The following EXO1 variants were observed in gnomAD, a reference collection of about 807,000 sequenced individuals.
EXO1 encodes the protein exonuclease 1.
A neutral mutation model predicts 84.5 loss-of-function variants in EXO1; 69 were observed. The observed-to-expected ratio is 0.82, with a 90% CI of 0.67 to 1.00. The LOEUF (loss-of-function observed/expected upper bound fraction) is 1.00, where lower values mean the gene tolerates loss of function less well. Among genes scored for constraint, EXO1 ranks in the 50% least tolerant of loss-of-function variants. The pLI is 0.00. For missense variants in EXO1, 1,045 were observed against 1,000.7 expected (o/e 1.04, Z -0.60); for synonymous variants, 373 against 366.1 (o/e 1.02, Z -0.21).
chr1:241,879,204 A>G lies in EXO1; in HGVS notation c.1970A>G (p.Glu657Gly). The G allele has an allele frequency of 6.2e-7, 1 of 1,602,804 alleles. No individual in the cohort carries two copies. Among genetic ancestry groups the G allele is most frequent in the Non-Finnish European group, 8.5e-7 (1 of 1,171,678 alleles). ...NMSDVSQLKSEESSDDESHPL... is the reference protein window; with the variant it reads ...NMSDVSQLKSGESSDDESHPL... The stretch of plus-strand genomic sequence containing the variant: ...TCTGATGTGTCGCAGTTAAAGAGCG[A>G]GGAGTCCAGTGACGATGAGTCTCAT... The change falls in exon 13 of 16, where the codon GAG becomes GGG. Residue 657 changes from glutamate (E) to glycine (G), a missense_variant. Coordinates refer to ENST00000366548, the MANE Select transcript of EXO1 (RefSeq NM_130398.4).
rs1660458767 is a variant in EXO1 at position 241,848,217 on chromosome 1, C to G, written c.-556C>G. ...AATTGAAAGGTCAGCCTTTCGCGCG[C>G]TGTGTAGGCAAGTTACCCGTGTTCT... On this transcript the variant is annotated 5_prime_UTR_variant, in exon 1 of 16. Transcript: ENST00000366548. The surrounding 1 kb of genome is among the most constrained non-coding windows in gnomAD (Gnocchi z 4.2). 1 of 152,300 alleles carries G rather than the reference C, an allele frequency of 6.6e-6. No homozygotes were observed. The highest frequency in any genetic ancestry group is 1.5e-5 in the Non-Finnish European group (1 of 68,102). The allele number at this position is 152,300 out of a possible 1,614,324, so 9.4% of individuals were successfully genotyped here. A position where few individuals can be genotyped will look rare whatever the true frequency, so the allele number is the denominator to read the frequency against.
In EXO1 at chr1:241,889,821, T is replaced by C. The variant is rs569483591; in HGVS notation, c.*221T>C. ...CTAAATAGAAGAATAATTGTATCTC[T>C]GACAGGTTTTTGGAGGTTTTAGTGT... On this transcript the variant is annotated 3_prime_UTR_variant, in exon 16 of 16. Coordinates refer to ENST00000366548, the MANE Select transcript of EXO1 (RefSeq NM_130398.4). 2.8e-5 allele frequency: 15 copies of C among 537,518 alleles called. No homozygotes were observed. In the South Asian group the frequency reaches 3.2e-4, roughly 11 times the overall value. 33.3% of individuals were successfully genotyped at this position (537,518 alleles called of 1,614,324 possible).
At position 241,885,348 on chromosome 1, in the gene EXO1, C is replaced by G. The variant is rs1662997896; in HGVS notation, c.2246C>G (p.Ser749Cys). 2 of 1,613,964 alleles carry G rather than the reference C, an allele frequency of 1.2e-6. No individual in the cohort carries two copies. The highest frequency in any genetic ancestry group is 8.5e-7 in the Non-Finnish European group (1 of 1,179,942). The change falls in exon 15 of 16, where the codon TCT becomes TGT. Residue 749 changes from serine (S) to cysteine (C), a missense_variant. Coordinates refer to ENST00000366548, the MANE Select transcript of EXO1 (RefSeq NM_130398.4). ...PGLYKSSSAD[S>C]LSTTKIKPLG... ...CTATATAAGTCCAGTTCTGCAGACTCTCTTTCTACAACCAAGATCAAACCT... is the reference window on the plus strand; with the variant it reads ...CTATATAAGTCCAGTTCTGCAGACTGTCTTTCTACAACCAAGATCAAACCT...
At chr1:241,857,529 G>T in intron 7 of EXO1, 47 bp downstream of exon 7, 1 of 1,390,776 alleles carries the variant, frequency 7.2e-7, no homozygotes, top group Non-Finnish European at 9.7e-7. Flanking sequence ...GTAGATAGTA[G>T]TGTAAATCAA....
chr1:241,874,429 G>A (rs1303215545), intron 12 of EXO1, among the ~76,000 whole-genome samples: 1 of 152,128 alleles, frequency 6.6e-6, no homozygotes, highest in African/African-American at 2.4e-5. Context: ...ACTTTGAGAG[G>A]GTTTTAATCA....
rs541707181 is a variant in EXO1 at position 241,886,624 on chromosome 1, G to T, written c.2405+1117G>T. Among the ~76,000 whole-genome samples the T allele has an allele frequency of 5.3e-5, 8 of 152,188 alleles. No homozygotes were observed. In the East Asian group the frequency reaches 1.2e-3, roughly 22 times the overall value. ...TTTCAAACTTTTTCTTTTCAGGAATGCTTTATACTCTTAGAAATTATTAAA... is the reference window on the plus strand; with the variant it reads ...TTTCAAACTTTTTCTTTTCAGGAATTCTTTATACTCTTAGAAATTATTAAA... On this transcript the variant is annotated intron_variant, in intron 15 of 15. Coordinates refer to ENST00000366548, the MANE Select transcript of EXO1 (RefSeq NM_130398.4).
chr1:241,879,435 A>G, intron 13 of EXO1, 92 bp downstream of exon 13: 4 of 710,786 alleles, frequency 5.6e-6, no homozygotes, highest in Non-Finnish European at 9.5e-6. Context: ...CTACATGTGA[A>G]TGACGAGCTA....
chr1:241,889,709 C>A lies in EXO1; in HGVS notation c.*109C>A. Reference sequence around the variant, plus strand: ...TGAAGAATTTTTTCTCATTCTGTGCCATTTTAAAAATAGAATACATTTTGT... The same window carrying A: ...TGAAGAATTTTTTCTCATTCTGTGCAATTTTAAAAATAGAATACATTTTGT... On this transcript the variant is annotated 3_prime_UTR_variant, in exon 16 of 16. Coordinates refer to ENST00000366548, the MANE Select transcript of EXO1 (RefSeq NM_130398.4). The A allele has an allele frequency of 9.3e-7, 1 of 1,080,054 alleles. No homozygotes were observed. The highest frequency in any genetic ancestry group is 1.3e-5 in the South Asian group (1 of 78,766). The allele number at this position is 1,080,054 out of a possible 1,614,324, so 66.9% of individuals were successfully genotyped here. A position where few individuals can be genotyped will look rare whatever the true frequency, so the allele number is the denominator to read the frequency against.
chr1:241,858,692 C>T lies in EXO1; in HGVS notation c.730C>T (p.Leu244=), dbSNP rs780216574. 42 of 1,612,966 alleles carry T rather than the reference C, an allele frequency of 2.6e-5. 1 individual carries two copies. The Admixed American group carries it at 5.3e-4, about 20-fold the overall frequency. Residue 244 remains leucine, a synonymous_variant, in exon 8 of 16, where the codon CTA becomes TTA. Coordinates refer to ENST00000366548, the MANE Select transcript of EXO1 (RefSeq NM_130398.4). The stretch of plus-strand genomic sequence containing the variant: ...AGCAAAGGCATGCAAAGTCCTAAGA[C>T]TAGCCAATAATCCAGATATAGTAAA... ...GLAKACKVLR[L]ANNPDIVKVI... is the part of the protein sequence containing the mutation.
chr1:241,866,126 A>T (rs539406125), intron 10 of EXO1, among the ~76,000 whole-genome samples: 1 of 152,314 alleles, frequency 6.6e-6, no homozygotes, highest in East Asian at 1.9e-4. Flanking sequence ...TTATATTAGC[A>T]TTAAAAGTGA....
rs756903638 is a variant in EXO1 at position 241,879,080 on chromosome 1, G to C, written c.1846G>C (p.Gly616Arg). ...RSCFSWSGGLGDFSRTPSPSP... is the reference protein window; with the variant it reads ...RSCFSWSGGLRDFSRTPSPSP... Reference sequence around the variant, plus strand: ...TTGTTTTAGTTGGTCTGGAGGTCTTGGAGATTTTTCAAGAACGCCGAGCCC... The same window carrying C: ...TTGTTTTAGTTGGTCTGGAGGTCTTCGAGATTTTTCAAGAACGCCGAGCCC... The change falls in exon 13 of 16, where the codon GGA (glycine) becomes CGA (arginine). Residue 616 changes from glycine to arginine, a missense_variant. Coordinates refer to ENST00000366548, the MANE Select transcript of EXO1 (RefSeq NM_130398.4). 6.2e-7 allele frequency: 1 copy of C among 1,614,090 alleles called. No individual in the cohort carries two copies. The highest frequency in any genetic ancestry group is 8.5e-7 in the Non-Finnish European group (1 of 1,179,942).
chr1:241,860,454 C>A, intron 8 of EXO1, 63 bp from the exon 9 acceptor site: 2 of 1,264,482 alleles, frequency 1.6e-6, no homozygotes, highest in Non-Finnish European at 2.3e-6. Flanking sequence ...ATCAATCAGC[C>A]TTGAGGATAA....
intron 11 of EXO1, among the ~76,000 whole-genome samples, chr1:241,869,938 G>A (rs190309097): frequency 1.9e-4 from 29 of 152,018 alleles, no homozygotes; most frequent in Admixed American, 1.1e-3. Flanking sequence ...TCAGCCTCCC[G>A]AGTAGCTGGG....
intron 4 of EXO1, among the ~76,000 whole-genome samples, chr1:241,851,850 G>T (rs1220577672): frequency 6.6e-6 from 1 of 152,128 alleles, no homozygotes; most frequent in Non-Finnish European, 1.5e-5. Context: ...AATATAAACT[G>T]AGTATTAGAT....
chr1:241,861,545 T>G, intron 10 of EXO1, 43 bp downstream of exon 10: 1 of 1,023,920 alleles, frequency 9.8e-7, no homozygotes, highest in Non-Finnish European at 1.6e-6. Context: ...GTTTTAGTTA[T>G]GTCCCGAGCT....
At position 241,889,546 on chromosome 1, in the gene EXO1, G is replaced by A. The variant is rs1663264787; in HGVS notation, c.2487G>A (p.Glu829=). The A allele has an allele frequency of 2.2e-5, 35 of 1,613,968 alleles. No individual in the cohort carries two copies. Among genetic ancestry groups the A allele is most frequent in the Non-Finnish European group, 3.0e-5 (35 of 1,179,870 alleles). The change falls in exon 16 of 16, where the codon GAG becomes GAA. Residue 829 remains glutamate, a synonymous_variant. Transcript: ENST00000366548. ...TCCAACTAACTCCAGAAGCGGAAGAGGATATATTTAACAAACCTGAATGTG... is the reference window on the plus strand; with the variant it reads ...TCCAACTAACTCCAGAAGCGGAAGAAGATATATTTAACAAACCTGAATGTG... The part of the protein sequence containing the change: ...DNIQLTPEAE[E]DIFNKPECGR...
At chr1:241,880,900 C>A (rs541433826) in intron 13 of EXO1, among the ~76,000 whole-genome samples, 2 of 152,296 alleles carry the variant, frequency 1.3e-5, no homozygotes, top group South Asian at 4.1e-4. Flanking sequence ...TCCTTGTGAT[C>A]TTCAGGAAGT....
rs1662777237 is a variant in EXO1, at chr1:241,881,916, G to A, written c.2110G>A (p.Glu704Lys). Residue 704 changes from glutamate (E) to lysine (K), a missense_variant and splice_region_variant, in exon 14 of 16, where the codon GAA becomes AAA. By Grantham distance (56) the Glu-to-Lys change is moderately conservative. Coordinates refer to ENST00000366548, the MANE Select transcript of EXO1 (RefSeq NM_130398.4). ...TTATTTTTTGATCTGGGGACTCTAG[G>A]AATCTGATTGCAATATTAAGTTACT... ...QCSSKDSDSE[E>K]SDCNIKLLDS... The A allele has an allele frequency of 6.8e-6, 10 of 1,481,256 alleles. No homozygotes were observed. The highest frequency in any genetic ancestry group is 9.4e-6 in the Non-Finnish European group (10 of 1,063,640). 91.8% of individuals were successfully genotyped at this position (1,481,256 alleles called of 1,614,324 possible). A position where few individuals can be genotyped will look rare whatever the true frequency, so the allele number is the denominator to read the frequency against.
At chr1:241,871,911 G>GT (rs35496250) in intron 11 of EXO1, 121 bp from the exon 12 acceptor site, 194,845 of 513,882 alleles carry the variant, frequency 0.38, 15,795 homozygotes, top group African/African-American at 0.45. Flanking sequence ...CTGAGGCATA[G>GT]TTTTTTTTTT....
Sources: gnomAD v4.1 joint callset for allele counts (sites outside exome capture counted in the v4.1 genomes callset) on GRCh38, gnomAD v4.1.1 for gene constraint, Gnocchi (gnomAD v3.1) non-coding constraint, MANE v1.5 for transcripts, NCBI Gene and HGNC (gene_info 2026-07-23, HGNC 2026-07-21) for gene names.